The following FGGY variants were observed in gnomAD, a reference collection of about 807,000 sequenced individuals.
The protein encoded by FGGY is FGGY carbohydrate kinase domain containing, also known as FGGY carbohydrate kinase domain-containing protein.
FGGY carries 72 observed loss-of-function variants against 71.3 expected under a neutral mutation model. That is an observed-to-expected ratio of 1.01 (90% CI 0.84 to 1.23). The LOEUF (loss-of-function observed/expected upper bound fraction) is 1.23. Ranked by LOEUF, FGGY falls within the 50% of genes most tolerant of loss-of-function variation. The pLI is 0.00. For synonymous variants in FGGY, 251 were observed against 250.3 expected, an observed-to-expected ratio of 1.00 and a Z score of -0.02; for missense variants, 668 against 682.3, an observed-to-expected ratio of 0.98 and a Z score of 0.23.
At chr1:59,382,750 C>T (rs2059623823) in intron 5 of FGGY, among the ~76,000 whole-genome samples, 1 of 152,120 alleles carries the variant, frequency 6.6e-6, no homozygotes, top group African/African-American at 2.4e-5. Context: ...GGCAATACCC[C>T]ATTGGCCTGC....
intron 4 of FGGY, among the ~76,000 whole-genome samples, chr1:59,362,064 G>T (rs1480285635): frequency 6.6e-6 from 1 of 152,190 alleles, no homozygotes; most frequent in East Asian, 1.9e-4. Context: ...TGTCTTGCTG[G>T]GGACATTGTC....
intron 14 of FGGY, among the ~76,000 whole-genome samples, chr1:59,705,432 G>T (rs541648564): frequency 6.6e-6 from 1 of 152,316 alleles, no homozygotes; most frequent in South Asian, 2.1e-4. Flanking sequence ...GCGCAGTAAG[G>T]ACTGAGGAGG....
chr1:59,409,616 A>G (rs1025738563), intron 5 of FGGY, among the ~76,000 whole-genome samples: 5 of 150,086 alleles, frequency 3.3e-5, no homozygotes, highest in Admixed American at 3.3e-4. Context: ...ATATATATAT[A>G]TATATATAAA....
At chr1:59,657,420 G>A (rs2097230072) in intron 11 of FGGY, among the ~76,000 whole-genome samples, 1 of 152,178 alleles carries the variant, frequency 6.6e-6, no homozygotes, top group South Asian at 2.1e-4. Flanking sequence ...AGACCTAATA[G>A]CAGAGGTGCT....
intron 7 of FGGY, among the ~76,000 whole-genome samples, chr1:59,546,528 TG>T (rs1558303431): frequency 0.016 from 1,655 of 101,682 alleles, 21 homozygotes; most frequent in East Asian, 0.049. Context: ...ATGATGATGA[TG>T]ATGATGATTA....
chr1:59,585,352 C>A (rs1258118481), intron 8 of FGGY, among the ~76,000 whole-genome samples: 1 of 152,140 alleles, frequency 6.6e-6, no homozygotes, highest in African/African-American at 2.4e-5. Context: ...ACAGAGCCCT[C>A]AGAAATAATA....
chr1:59,539,046 A>C (rs775263487), intron 7 of FGGY, among the ~76,000 whole-genome samples: 2 of 152,184 alleles, frequency 1.3e-5, no homozygotes, highest in Non-Finnish European at 2.9e-5. Flanking sequence ...CAATAAAATA[A>C]AAATATTAAG....
intron 5 of FGGY, among the ~76,000 whole-genome samples, chr1:59,428,010 A>G (rs1196103608): frequency 6.6e-6 from 1 of 152,128 alleles, no homozygotes; most frequent in African/African-American, 2.4e-5. Context: ...AGTATGGGGG[A>G]TGGCTGGGAA....
At chr1:59,700,492 C>T (rs1463883451) in intron 14 of FGGY, among the ~76,000 whole-genome samples, 1 of 152,186 alleles carries the variant, frequency 6.6e-6, no homozygotes, top group African/African-American at 2.4e-5. Context: ...ATGAGCTTAT[C>T]ACAGGTCGTG....
At chr1:59,483,756 C>T (rs190060740) in intron 6 of FGGY, among the ~76,000 whole-genome samples, 52 of 152,182 alleles carry the variant, frequency 3.4e-4, no homozygotes, top group African/African-American at 1.2e-3. Context: ...ACAGCAAAAG[C>T]AGAAACCCTT....
chr1:59,345,821 C>T (rs963920751), intron 3 of FGGY, among the ~76,000 whole-genome samples: 12 of 151,918 alleles, frequency 7.9e-5, no homozygotes, highest in East Asian at 1.9e-4. Flanking sequence ...TGTATTATAC[C>T]GTCAAAGTAT....
At chr1:59,314,268 TA>T (rs926047409) in intron 1 of FGGY, among the ~76,000 whole-genome samples, 6 of 152,188 alleles carry the variant, frequency 3.9e-5, no homozygotes, top group Non-Finnish European at 8.8e-5. Flanking sequence ...CCTGGCCTAA[TA>T]AAAAAATTTT....
intron 5 of FGGY, among the ~76,000 whole-genome samples, chr1:59,456,273 C>G (rs1161444623): frequency 6.6e-6 from 1 of 152,068 alleles, no homozygotes; most frequent in Non-Finnish European, 1.5e-5. Flanking sequence ...TGATAAGGAG[C>G]CTTTTGTTAA....
At chr1:59,719,648 C>A (rs189809722) in intron 14 of FGGY, among the ~76,000 whole-genome samples, 220 of 152,330 alleles carry the variant, frequency 1.4e-3, no homozygotes, top group African/African-American at 5.1e-3. Context: ...GCCTGCATTT[C>A]TCCAGATCCA....
chr1:59,621,022 A>C (rs2096801292), intron 9 of FGGY, among the ~76,000 whole-genome samples: 1 of 152,120 alleles, frequency 6.6e-6, no homozygotes, highest in Non-Finnish European at 1.5e-5. Flanking sequence ...AGGTGCTGGC[A>C]AATGCAGTTT....
chr1:59,461,022 A>G (rs746958012), intron 6 of FGGY, among the ~76,000 whole-genome samples: 1 of 152,214 alleles, frequency 6.6e-6, no homozygotes, highest in Non-Finnish European at 1.5e-5. Context: ...CCTCCAAAGG[A>G]TCACAATTCC....
intron 8 of FGGY, among the ~76,000 whole-genome samples, chr1:59,605,970 T>C (rs1211874007): frequency 6.6e-6 from 1 of 152,154 alleles, no homozygotes; most frequent in East Asian, 1.9e-4. Context: ...ACCCTCTAGC[T>C]AAACATTTCT....
intron 8 of FGGY, among the ~76,000 whole-genome samples, chr1:59,582,132 C>T (rs1020037258): frequency 6.7e-6 from 1 of 149,276 alleles, no homozygotes; most frequent in East Asian, 2.0e-4. Context: ...ACCTGTAGTC[C>T]CAGCTACTTG....
intron 8 of FGGY, among the ~76,000 whole-genome samples, chr1:59,568,532 G>A (rs375201030): frequency 1.5e-4 from 23 of 152,256 alleles, no homozygotes; most frequent in African/African-American, 5.1e-4. Context: ...GCTTGGAGAG[G>A]TCACAGAGCT....
Sources: gnomAD v4.1 joint callset for allele counts (sites outside exome capture counted in the v4.1 genomes callset) on GRCh38, gnomAD v4.1.1 for gene constraint, MANE v1.5 for transcripts, NCBI Gene and HGNC (gene_info 2026-07-23, HGNC 2026-07-21) for gene names.